SLC16A12: variants seen among roughly 807,000 people sequenced by gnomAD.
SLC16A12 encodes monocarboxylate transporter 12.
In SLC16A12, 17 loss-of-function variants were observed where a neutral mutation model predicts 42.4. That is an observed-to-expected ratio of 0.40 (90% CI 0.27 to 0.60). The LOEUF is 0.60. SLC16A12 is among the 20% of genes least tolerant of loss of function. The pLI, the probability that SLC16A12 is intolerant of heterozygous loss-of-function variation, is 0.42. For synonymous variants in SLC16A12, 224 were observed against 229.4 expected (o/e 0.98, Z 0.21); for missense variants, 544 against 623.0 (o/e 0.87, Z 1.35).
chr10:89,514,524 G>A (rs1343789588), intron 2 of SLC16A12, among the ~76,000 whole-genome samples: 3 of 152,174 alleles, frequency 2.0e-5, no homozygotes, highest in Non-Finnish European at 4.4e-5. Flanking sequence ...CTCTGGCTGT[G>A]TGCTTGCTTA....
intron 3 of SLC16A12, among the ~76,000 whole-genome samples, chr10:89,453,341 C>G (rs1013586859): frequency 1.3e-5 from 2 of 152,166 alleles, no homozygotes; most frequent in African/African-American, 4.8e-5. Flanking sequence ...ATTATTTTCT[C>G]CTAACCACTA....
chr10:89,437,934 T>C (rs1195190646), intron 6 of SLC16A12, among the ~76,000 whole-genome samples: 3 of 152,212 alleles, frequency 2.0e-5, no homozygotes, highest in Admixed American at 1.3e-4. Flanking sequence ...TTGTCAAACA[T>C]GAATATGTGG....
chr10:89,500,566 TG>T (rs1243636317), intron 2 of SLC16A12, among the ~76,000 whole-genome samples: 2 of 151,998 alleles, frequency 1.3e-5, no homozygotes, highest in Non-Finnish European at 1.5e-5. Context: ...TATCAATAGA[TG>T]AAAAAAAAGC....
At chr10:89,475,092 C>A (rs1842556865) in intron 2 of SLC16A12, among the ~76,000 whole-genome samples, 2 of 152,164 alleles carry the variant, frequency 1.3e-5, no homozygotes, top group Non-Finnish European at 2.9e-5. Flanking sequence ...TAGATTGGCT[C>A]CCTATCACTT....
chr10:89,496,753 GAGA>G (rs1459893880), intron 2 of SLC16A12, among the ~76,000 whole-genome samples: 1 of 152,050 alleles, frequency 6.6e-6, no homozygotes, highest in Non-Finnish European at 1.5e-5. Flanking sequence ...AATTATAAAG[GAGA>G]AGAACACTTT....
chr10:89,547,868 A>T (rs1279733233), intron 2 of SLC16A12, among the ~76,000 whole-genome samples: 9 of 151,218 alleles, frequency 6.0e-5, no homozygotes, highest in Non-Finnish European at 1.2e-4. Flanking sequence ...TGTGCCTGTA[A>T]TCCCAGGTGC....
At chr10:89,543,676 A>T (rs1206336615) in intron 2 of SLC16A12, among the ~76,000 whole-genome samples, 1 of 152,110 alleles carries the variant, frequency 6.6e-6, no homozygotes, top group Non-Finnish European at 1.5e-5. Context: ...CAAAAAAAAA[A>T]GTTAAAAACT....
intron 2 of SLC16A12, among the ~76,000 whole-genome samples, chr10:89,477,738 C>T (rs1285851304): frequency 2.0e-5 from 3 of 152,112 alleles, no homozygotes; most frequent in African/African-American, 7.2e-5. Context: ...GGCACTTACA[C>T]ATTTGAAGAA....
rs1376771755 is a variant in SLC16A12 at position 89,535,573 on chromosome 10, A to AGCTCCAGC, written c.-326_-319dup. ...CGAGACTGAGCCCGGGACAGCCCAG[A>AGCTCCAGC]GCTCCAGCGCTCCAGCGCTCTGCAG... On this transcript the variant is annotated 5_prime_UTR_variant, in exon 1 of 8. Coordinates refer to ENST00000371790, the MANE Select transcript of SLC16A12 (RefSeq NM_213606.4). 4 of 152,106 alleles carry AGCTCCAGC rather than the reference A, an allele frequency of 2.6e-5. No homozygotes were observed. The highest frequency in any genetic ancestry group is 4.9e-5 in the African/African-American group (2 of 41,200). 9.4% of individuals were successfully genotyped at this position (152,106 alleles called of 1,614,324 possible).
At chr10:89,535,823 C>A (rs1450952880), upstream of SLC16A12, among the ~76,000 whole-genome samples, 1 of 151,328 alleles carries the variant, frequency 6.6e-6, no homozygotes, top group Admixed American at 6.6e-5. Flanking sequence ...GGGGAGCGGA[C>A]TGGGCGGAGG....
chr10:89,497,162 G>A lies in SLC16A12; in HGVS notation c.-46-34538C>T, dbSNP rs57643841. Among the ~76,000 whole-genome samples the A allele has an allele frequency of 8.9e-3, 1,350 of 152,220 alleles. 23 individuals carry two copies. The highest frequency in any genetic ancestry group is 0.031 in the African/African-American group (1,286 of 41,526). On this transcript the variant is annotated intron_variant, in intron 2 of 7. Coordinates refer to ENST00000371790, the MANE Select transcript of SLC16A12 (RefSeq NM_213606.4). ...TAATGACAGGAAAAACCAGAGAGTG[G>A]GATATGGGGGCAGACACAGAGTATA...
chr10:89,489,448 T>A (rs932268606), intron 2 of SLC16A12, among the ~76,000 whole-genome samples: 14 of 152,246 alleles, frequency 9.2e-5, no homozygotes, highest in African/African-American at 3.1e-4. Context: ...CAAGGATTCT[T>A]CCACCTCAAC....
rs542342217 is a variant in SLC16A12 at position 89,447,919 on chromosome 10, G to A, written c.201-4060C>T. 1.2e-3 allele frequency among the ~76,000 whole-genome samples: 181 copies of A among 152,220 alleles called. 3 individuals carry two copies. The South Asian group carries it at 0.036, about 31-fold the overall frequency. ...AAATCAAATAGATGCGATAAAAAAT[G>A]ACAAAGGGGAAATCACCACCAATCC... On this transcript the variant is annotated intron_variant, in intron 3 of 7. Coordinates refer to ENST00000371790, the MANE Select transcript of SLC16A12 (RefSeq NM_213606.4).
Position 89,462,584 on chromosome 10 carries a change from G to T in SLC16A12, c.-6C>A. The T allele has an allele frequency of 6.3e-7, 1 of 1,599,680 alleles. No individual in the cohort carries two copies. Among genetic ancestry groups the T allele is most frequent in the Non-Finnish European group, 8.5e-7 (1 of 1,175,996 alleles). Reference sequence around the variant, plus strand: ...CAGTGACTTCCTGATGGCATTCAAGGTTGGCATAGAACGCTACCTGGCCCA... The same window carrying T: ...CAGTGACTTCCTGATGGCATTCAAGTTTGGCATAGAACGCTACCTGGCCCA... On this transcript the variant is annotated 5_prime_UTR_variant, in exon 3 of 8. Transcript: ENST00000371790.
At chr10:89,447,442 G>A (rs980727078) in intron 3 of SLC16A12, among the ~76,000 whole-genome samples, 1 of 152,154 alleles carries the variant, frequency 6.6e-6, no homozygotes, top group Admixed American at 6.5e-5. Flanking sequence ...TAGAACTCAG[G>A]ATTAAGAAAC....
At chr10:89,506,981 T>C (rs1038952499) in intron 2 of SLC16A12, among the ~76,000 whole-genome samples, 19 of 151,986 alleles carry the variant, frequency 1.3e-4, no homozygotes, top group Admixed American at 1.1e-3. Context: ...ATATCAGTGA[T>C]TGAAGACCAA....
At chr10:89,544,864 G>C (rs1351506797) in intron 2 of SLC16A12, among the ~76,000 whole-genome samples, 1 of 152,124 alleles carries the variant, frequency 6.6e-6, no homozygotes, top group Non-Finnish European at 1.5e-5. Context: ...TACCACCCCT[G>C]TTTTCATATC....
At chr10:89,457,073 C>A (rs1383381779) in intron 3 of SLC16A12, among the ~76,000 whole-genome samples, 1 of 152,038 alleles carries the variant, frequency 6.6e-6, no homozygotes, top group African/African-American at 2.4e-5. Flanking sequence ...TGGGTATATA[C>A]CCCGTAATGG....
At chr10:89,474,085 T>C (rs755554969) in intron 2 of SLC16A12, among the ~76,000 whole-genome samples, 66 of 152,322 alleles carry the variant, frequency 4.3e-4, no homozygotes, top group Admixed American at 9.2e-4. Flanking sequence ...ATTCCTTTCT[T>C]CCACACTTCC....
Sources: allele counts gnomAD v4.1 joint callset (sites outside exome capture counted in the v4.1 genomes callset), GRCh38; gene constraint gnomAD v4.1.1; transcripts MANE v1.5; gene names NCBI Gene and HGNC (gene_info 2026-07-23, HGNC 2026-07-21).